The following SLC39A11 variants were observed in gnomAD, a reference collection of about 807,000 sequenced individuals.
SLC39A11 encodes the protein solute carrier family 39 member 11, also known as zinc transporter ZIP11.
In SLC39A11, 33 loss-of-function variants were observed where a neutral mutation model predicts 36.1. The ratio of observed to expected loss-of-function variants is 0.91; its 90% CI spans 0.69 to 1.22. SLC39A11 has a LOEUF of 1.22. SLC39A11 is among the 50% of genes most tolerant of loss of function. The pLI is 0.00. For missense variants in SLC39A11, 432 were observed against 430.3 expected (o/e 1.00, Z -0.03); for synonymous variants, 166 against 170.3 (o/e 0.97, Z 0.20).
intron 6 of SLC39A11, among the ~76,000 whole-genome samples, chr17:72,832,032 C>A (rs1383420790): frequency 6.6e-6 from 1 of 152,190 alleles, no homozygotes; most frequent in African/African-American, 2.4e-5. Flanking sequence ...CTCTAGTAAA[C>A]TGCAAGATGT....
At chr17:73,068,148 C>A in intron 3 of SLC39A11, 1 of 1,308,428 alleles carries the variant, frequency 7.6e-7, no homozygotes, top group Non-Finnish European at 1.1e-6. Flanking sequence ...GTGTCGCCAG[C>A]AGGTTCCTCT....
chr17:72,884,159 A>AG (rs2081343374), intron 5 of SLC39A11, among the ~76,000 whole-genome samples: 3 of 152,076 alleles, frequency 2.0e-5, no homozygotes, highest in South Asian at 4.1e-4. Context: ...GTCTCCAAAA[A>AG]AAAGAAAGAA....
intron 6 of SLC39A11, among the ~76,000 whole-genome samples, chr17:72,826,790 C>T (rs1202814821): frequency 6.6e-6 from 1 of 152,002 alleles, no homozygotes; most frequent in African/African-American, 2.4e-5. Context: ...AAATCAAAAC[C>T]ACAAAGAACT....
intron 6 of SLC39A11, among the ~76,000 whole-genome samples, chr17:72,797,312 C>G (rs1194125814): frequency 1.3e-5 from 2 of 152,080 alleles, no homozygotes; most frequent in East Asian, 3.9e-4. Flanking sequence ...AATACGGAGC[C>G]TCTGCAGGGC....
At chr17:73,015,156 C>CT in intron 4 of SLC39A11, among the ~76,000 whole-genome samples, 1 of 152,290 alleles carries the variant, frequency 6.6e-6, no homozygotes, top group East Asian at 1.9e-4. Flanking sequence ...CGGTATTGCC[C>CT]TGTACTGTTT....
At chr17:72,732,303 G>A (rs1184288994) in intron 7 of SLC39A11, among the ~76,000 whole-genome samples, 2 of 151,906 alleles carry the variant, frequency 1.3e-5, no homozygotes, top group Non-Finnish European at 2.9e-5. Context: ...CGTGAGCCAC[G>A]GCACCTGGCC....
intron 7 of SLC39A11, among the ~76,000 whole-genome samples, chr17:72,712,477 GT>G (rs1454036752): frequency 6.6e-6 from 1 of 152,068 alleles, no homozygotes; most frequent in African/African-American, 2.4e-5. Context: ...TAGAGTTTTT[GT>G]TTTTTAATAG....
At chr17:73,045,356 A>G (rs2059246788) in intron 3 of SLC39A11, among the ~76,000 whole-genome samples, 1 of 131,312 alleles carries the variant, frequency 7.6e-6, no homozygotes, top group Non-Finnish European at 1.6e-5. Context: ...CAGTCACCTA[A>G]TTCTACCTCC....
intron 6 of SLC39A11, among the ~76,000 whole-genome samples, chr17:72,753,255 T>G (rs1288910354): frequency 6.6e-6 from 1 of 152,182 alleles, no homozygotes; most frequent in African/African-American, 2.4e-5. Flanking sequence ...AGGTTGTGCT[T>G]TTTTTCAGCT....
intron 7 of SLC39A11, among the ~76,000 whole-genome samples, chr17:72,701,360 T>C (rs974338476): frequency 6.6e-6 from 1 of 152,130 alleles, no homozygotes; most frequent in Non-Finnish European, 1.5e-5. Flanking sequence ...CATCTCCTTG[T>C]GTGGCGATGC....
rs148459449 is a variant in SLC39A11 at position 72,730,436 on chromosome 17, C to A, written c.671+6214G>T. ...TGCCTTGTATCTTTCTTCCTTTCAA[C>A]TTTACCATGTCATATTTTAGGTGTG... On this transcript the variant is annotated intron_variant, in intron 7 of 9. Coordinates refer to ENST00000255559, the MANE Select transcript of SLC39A11 (RefSeq NM_139177.4). 1.3e-3 allele frequency among the ~76,000 whole-genome samples: 195 copies of A among 152,312 alleles called. 2 individuals carry two copies. Among genetic ancestry groups the A allele is most frequent in the African/African-American group, 4.3e-3 (177 of 41,576 alleles).
intron 4 of SLC39A11, among the ~76,000 whole-genome samples, chr17:72,953,659 C>G (rs372643886): frequency 3.3e-5 from 5 of 152,186 alleles, no homozygotes; most frequent in African/African-American, 9.6e-5. Context: ...TAAGGCCCCC[C>G]CTACAAAGCA....
chr17:73,079,655 A>T (rs929993651), intron 3 of SLC39A11, among the ~76,000 whole-genome samples: 1 of 152,184 alleles, frequency 6.6e-6, no homozygotes, highest in African/African-American at 2.4e-5. Context: ...CAGCAATCAG[A>T]CAAGAGAAAG....
intron 6 of SLC39A11, among the ~76,000 whole-genome samples, chr17:72,799,566 A>G (rs1323006420): frequency 6.6e-6 from 1 of 152,132 alleles, no homozygotes; most frequent in Admixed American, 6.6e-5. Flanking sequence ...AAAGGAATGC[A>G]TTCCTGGGGG....
chr17:72,863,175 T>G (rs1387750751), intron 5 of SLC39A11, among the ~76,000 whole-genome samples: 1 of 152,168 alleles, frequency 6.6e-6, no homozygotes, highest in African/African-American at 2.4e-5. Flanking sequence ...CCGGACCTCT[T>G]GCTAACTGTT....
At chr17:72,839,252 C>T (rs1370468337) in intron 6 of SLC39A11, 1 of 152,148 alleles carries the variant, frequency 6.6e-6, no homozygotes, top group African/African-American at 2.4e-5. Context: ...CAGAAGATAC[C>T]TTTGGTCTCT....
intron 7 of SLC39A11, among the ~76,000 whole-genome samples, chr17:72,715,448 C>T (rs1028971019): frequency 7.9e-5 from 12 of 152,130 alleles, no homozygotes; most frequent in Admixed American, 7.9e-4. Context: ...ATCCGTGCAA[C>T]CTAATATTGT....
intron 6 of SLC39A11, among the ~76,000 whole-genome samples, chr17:72,769,510 T>C (rs2714008): frequency 2.0e-5 from 3 of 151,902 alleles, no homozygotes; most frequent in Admixed American, 1.3e-4. Flanking sequence ...CTATTCAAAG[T>C]GACCCCTCTG....
In SLC39A11 at chr17:72,988,903, TG is replaced by T. The variant is rs1483808829; in HGVS notation, c.307-41029del. 2.0e-5 allele frequency among the ~76,000 whole-genome samples: 3 copies of T among 152,270 alleles called. No homozygotes were observed. In the East Asian group the frequency reaches 5.8e-4, roughly 29 times the overall value. On this transcript the variant is annotated intron_variant, in intron 4 of 9. Coordinates refer to ENST00000255559, the MANE Select transcript of SLC39A11 (RefSeq NM_139177.4). ...TTTGTATTTTTAGTAGAGACAGGTT[TG>T]CTCTTTTTAAGATTACAATATGCAG...
Sources: gnomAD v4.1 joint callset for allele counts (sites outside exome capture counted in the v4.1 genomes callset) on GRCh38, gnomAD v4.1.1 for gene constraint, MANE v1.5 for transcripts, NCBI Gene and HGNC (gene_info 2026-07-23, HGNC 2026-07-21) for gene names.